PXDNL: variants seen among roughly 807,000 people sequenced by gnomAD.
PXDNL encodes peroxidasin like.
In PXDNL, 145 loss-of-function variants were observed where a neutral mutation model predicts 150.8. The ratio of observed to expected loss-of-function variants is 0.96; its 90% CI spans 0.84 to 1.10. The LOEUF is 1.10. Among genes scored for constraint, PXDNL ranks in the 50% least tolerant of loss-of-function variants. The pLI, the probability that PXDNL is intolerant of heterozygous loss-of-function variation, is 0.00. For missense variants in PXDNL, 2,087 were observed against 1,873.9 expected, an observed-to-expected ratio of 1.11 and a Z score of -2.10; for synonymous variants, 757 against 725.7, an observed-to-expected ratio of 1.04 and a Z score of -0.69.
At chr8:51,508,009 G>T (rs1269478298) in intron 4 of PXDNL, among the ~76,000 whole-genome samples, 3 of 152,146 alleles carry the variant, frequency 2.0e-5, no homozygotes, top group Non-Finnish European at 2.9e-5. Context: ...CTAGAAAAAT[G>T]AAATGATAGA....
At chr8:51,346,094 T>G (rs370583510) in intron 19 of PXDNL, 147 bp from the exon 20 acceptor site, 1 of 545,722 alleles carries the variant, frequency 1.8e-6, no homozygotes, top group East Asian at 3.0e-5. Flanking sequence ...TTTAGTCCGT[T>G]CCATTTTGCT....
At chr8:51,367,232 A>C (rs1236156245) in intron 19 of PXDNL, among the ~76,000 whole-genome samples, 1 of 152,124 alleles carries the variant, frequency 6.6e-6, no homozygotes, top group Non-Finnish European at 1.5e-5. Context: ...GTTAACACAC[A>C]GCATTTGCAG....
chr8:51,326,498 A>G (rs1393549893), intron 21 of PXDNL, among the ~76,000 whole-genome samples: 1 of 152,228 alleles, frequency 6.6e-6, no homozygotes, highest in East Asian at 1.9e-4. Context: ...AGTCTCAGAA[A>G]AAAAGTAAAA....
intron 5 of PXDNL, among the ~76,000 whole-genome samples, chr8:51,494,926 A>G (rs1382767449): frequency 3.9e-5 from 6 of 152,066 alleles, no homozygotes; most frequent in South Asian, 2.1e-4. Flanking sequence ...TGCACCAAGC[A>G]GACCTAATAG....
chr8:51,377,641 G>C lies in PXDNL; in HGVS notation c.3558-2910C>G, dbSNP rs546794068. On this transcript the variant is annotated intron_variant, in intron 17 of 22. Coordinates refer to ENST00000356297, the MANE Select transcript of PXDNL (RefSeq NM_144651.5). ...TCGCCGGCACCACCCGTCCCAGGCA[G>C]TGAGGGGCTTAGCACCTGGGCCAGC... is the stretch of plus-strand genomic sequence containing the variant. 2.0e-3 allele frequency among the ~76,000 whole-genome samples: 308 copies of C among 152,360 alleles called. 2 individuals carry two copies. Among genetic ancestry groups the C allele is most frequent in the African/African-American group, 6.3e-3 (263 of 41,594 alleles).
chr8:51,790,715 G>C (rs4615560), intron 1 of PXDNL, among the ~76,000 whole-genome samples: 7 of 83,510 alleles, frequency 8.4e-5, no homozygotes, highest in Admixed American at 3.9e-4. Context: ...GGCGAGGTCC[G>C]GATGGGCCCA....
intron 2 of PXDNL, among the ~76,000 whole-genome samples, chr8:51,636,413 A>T (rs1056212755): frequency 6.6e-6 from 1 of 152,180 alleles, no homozygotes; most frequent in African/African-American, 2.4e-5. Flanking sequence ...AACTATCTCT[A>T]TTCACAGATG....
chr8:51,485,569 C>A (rs1157669357), intron 5 of PXDNL, among the ~76,000 whole-genome samples: 6 of 152,116 alleles, frequency 3.9e-5, no homozygotes, highest in Admixed American at 3.9e-4. Context: ...TGATCATCAC[C>A]AAGATCATCA....
At chr8:51,722,490 G>A (rs1051401791) in intron 1 of PXDNL, among the ~76,000 whole-genome samples, 5 of 152,206 alleles carry the variant, frequency 3.3e-5, no homozygotes, top group African/African-American at 1.2e-4. Flanking sequence ...TGGTACCTGG[G>A]TCCTTGTTCA....
chr8:51,689,584 TC>T (rs1200356340), intron 1 of PXDNL, among the ~76,000 whole-genome samples: 1 of 151,954 alleles, frequency 6.6e-6, no homozygotes, highest in African/African-American at 2.4e-5. Flanking sequence ...CTTTTTTTTT[TC>T]CCTAATAAGG....
intron 2 of PXDNL, among the ~76,000 whole-genome samples, chr8:51,593,337 C>A (rs1207721468): frequency 1.3e-5 from 2 of 152,052 alleles, no homozygotes; most frequent in Non-Finnish European, 2.9e-5. Context: ...AGCACCCTGG[C>A]AAATGAAAAT....
chr8:51,635,412 CAATA>C (rs1727275053), intron 2 of PXDNL, among the ~76,000 whole-genome samples: 1 of 151,756 alleles, frequency 6.6e-6, no homozygotes, highest in African/African-American at 2.4e-5. Context: ...AAGAGAAAAA[CAATA>C]AATAGAGTCA....
At chr8:51,534,258 G>A (rs1460153101) in intron 4 of PXDNL, among the ~76,000 whole-genome samples, 19 of 138,926 alleles carry the variant, frequency 1.4e-4, no homozygotes, top group Non-Finnish European at 2.2e-4. Flanking sequence ...CAACCGCCCC[G>A]TCTGAGAAGT....
intron 2 of PXDNL, among the ~76,000 whole-genome samples, chr8:51,609,959 G>A (rs554778356): frequency 2.0e-5 from 3 of 152,280 alleles, no homozygotes; most frequent in African/African-American, 4.8e-5. Flanking sequence ...TTTTTCACTC[G>A]CTTGTGACCA....
At chr8:51,421,426 G>A (rs1007297392) in intron 14 of PXDNL, among the ~76,000 whole-genome samples, 4 of 152,304 alleles carry the variant, frequency 2.6e-5, no homozygotes, top group Non-Finnish European at 5.9e-5. Flanking sequence ...TAGGTCAGGC[G>A]AAGTGGCTCT....
At chr8:51,708,187 A>G (rs563247663) in intron 1 of PXDNL, among the ~76,000 whole-genome samples, 8 of 152,336 alleles carry the variant, frequency 5.3e-5, no homozygotes, top group Admixed American at 5.2e-4. Flanking sequence ...CCAAGTTGAA[A>G]GAGAGAAAAA....
chr8:51,371,796 A>G, intron 19 of PXDNL, 77 bp downstream of exon 19: 9 of 1,285,052 alleles, frequency 7.0e-6, no homozygotes, highest in Non-Finnish European at 9.9e-6. Context: ...AAATCGCATA[A>G]TCTTTACCAC....
intron 21 of PXDNL, among the ~76,000 whole-genome samples, chr8:51,337,470 T>C (rs1805861737): frequency 6.6e-6 from 1 of 152,224 alleles, no homozygotes; most frequent in Non-Finnish European, 1.5e-5. Context: ...GAGGATGAAA[T>C]AGGGTTTCCG....
At chr8:51,608,046 A>AAGCAAGCAAGC (rs1813891895) in intron 2 of PXDNL, among the ~76,000 whole-genome samples, 1 of 116,568 alleles carries the variant, frequency 8.6e-6, no homozygotes, top group African/African-American at 3.9e-5. Context: ...AGAAAGAAAG[A>AAGCAAGCAAGC]AAGAAAGAAA....
Sources: gnomAD v4.1 joint callset for allele counts (sites outside exome capture counted in the v4.1 genomes callset) on GRCh38, gnomAD v4.1.1 for gene constraint, MANE v1.5 for transcripts, NCBI Gene and HGNC (gene_info 2026-07-23, HGNC 2026-07-21) for gene names.